The following WWOX variants were observed in gnomAD, a reference collection of about 807,000 sequenced individuals.
The protein encoded by WWOX is WW domain-containing oxidoreductase.
WWOX carries 69 observed loss-of-function variants against 46.2 expected under a neutral mutation model. That is an observed-to-expected ratio of 1.49 (90% CI 1.23 to 1.82). WWOX has a LOEUF of 1.82. Ranked by LOEUF, WWOX falls within the 40% of genes most tolerant of loss-of-function variation. The pLI, the probability that WWOX is intolerant of heterozygous loss-of-function variation, is 0.00. For synonymous variants in WWOX, 359 were observed against 202.6 expected, an observed-to-expected ratio of 1.77 and a Z score of -6.56; for missense variants, 919 against 542.6, an observed-to-expected ratio of 1.69 and a Z score of -6.89.
At chr16:79,048,117 C>T (rs565889818) in intron 8 of WWOX, among the ~76,000 whole-genome samples, 1 of 152,274 alleles carries the variant, frequency 6.6e-6, no homozygotes, top group Non-Finnish European at 1.5e-5. Context: ...AGATCACAGA[C>T]ACGGAAAATC....
At chr16:78,703,221 C>CTG in intron 8 of WWOX, among the ~76,000 whole-genome samples, 1 of 151,952 alleles carries the variant, frequency 6.6e-6, no homozygotes. Flanking sequence ...TCTCTTTTCT[C>CTG]TGTGTGTCAT....
chr16:78,185,859 T>G (rs1281006843), intron 5 of WWOX, among the ~76,000 whole-genome samples: 1 of 146,572 alleles, frequency 6.8e-6, no homozygotes, highest in Non-Finnish European at 1.5e-5. Context: ...TAGAGATGGG[T>G]TTCACCATGT....
At chr16:79,135,111 T>A (rs917509810) in intron 8 of WWOX, among the ~76,000 whole-genome samples, 1 of 152,084 alleles carries the variant, frequency 6.6e-6, no homozygotes, top group Non-Finnish European at 1.5e-5. Flanking sequence ...TTTCTAACAA[T>A]TTTTTTCTTC....
At chr16:78,547,806 C>G (rs1404909653) in intron 8 of WWOX, among the ~76,000 whole-genome samples, 1 of 152,052 alleles carries the variant, frequency 6.6e-6, no homozygotes, top group Non-Finnish European at 1.5e-5. Context: ...GCCTCAATGA[C>G]CTAATCACCT....
At chr16:78,746,571 C>G (rs913433397) in intron 8 of WWOX, among the ~76,000 whole-genome samples, 9 of 151,648 alleles carry the variant, frequency 5.9e-5, no homozygotes, top group African/African-American at 2.2e-4. Context: ...TTTCTTGCTC[C>G]TGGATTTTTG....
rs570465879 is a variant in WWOX, at chr16:78,737,770, C to T, written c.1056+305018C>T. ...CATTTTTTTCTTCCTCACCTGATTT[C>T]CCCCATCTGGCAGAAACTTTTACAG... On this transcript the variant is annotated intron_variant, in intron 8 of 8. Transcript: ENST00000566780. Among the ~76,000 whole-genome samples, 7 of 152,192 alleles carry T rather than the reference C, an allele frequency of 4.6e-5. No individual in the cohort carries two copies. The South Asian group carries it at 1.0e-3, about 23-fold the overall frequency.
chr16:78,398,674 G>T (rs1020712834), intron 6 of WWOX, among the ~76,000 whole-genome samples: 4 of 152,068 alleles, frequency 2.6e-5, no homozygotes, highest in South Asian at 2.1e-4. Context: ...AATACATCTT[G>T]GTCTTAGCTT....
rs1463082590 is a variant in WWOX, at chr16:79,170,675, T to TG, written c.1057-40933_1057-40932insG. On this transcript the variant is annotated intron_variant, in intron 8 of 8. Coordinates refer to ENST00000566780, the MANE Select transcript of WWOX (RefSeq NM_016373.4). ...CACAGTCAAGAGTTACTTCTATTTT[T>TG]TTTTACAGTAAATGCGCTCTTTAAG... 2.6e-5 allele frequency among the ~76,000 whole-genome samples: 4 copies of TG among 152,174 alleles called. No individual in the cohort carries two copies. The East Asian group carries it at 7.7e-4, about 29-fold the overall frequency.
intron 4 of WWOX, among the ~76,000 whole-genome samples, chr16:78,154,409 T>G: frequency 6.6e-6 from 1 of 151,796 alleles, no homozygotes; most frequent in East Asian, 1.9e-4. Context: ...CCCACAGTTT[T>G]CGCTTGCTTC....
At chr16:79,156,386 C>T (rs1291140520) in intron 8 of WWOX, among the ~76,000 whole-genome samples, 3 of 152,212 alleles carry the variant, frequency 2.0e-5, no homozygotes, top group Non-Finnish European at 4.4e-5. Flanking sequence ...TTCTCGAACT[C>T]CTGACCTCAA....
chr16:78,816,332 G>A (rs1309409780), intron 8 of WWOX, among the ~76,000 whole-genome samples: 1 of 151,852 alleles, frequency 6.6e-6, no homozygotes, highest in East Asian at 1.9e-4. Flanking sequence ...CTGATATATC[G>A]AGGACTCCAG....
chr16:78,278,678 G>T (rs765871668), intron 5 of WWOX: 3 of 1,596,690 alleles, frequency 1.9e-6, no homozygotes, highest in East Asian at 4.5e-5. Context: ...AAAAATAAAA[G>T]ATCTTGAATA....
At chr16:78,413,385 G>A (rs2082726002) in intron 6 of WWOX, among the ~76,000 whole-genome samples, 1 of 152,196 alleles carries the variant, frequency 6.6e-6, no homozygotes, top group African/African-American at 2.4e-5. Flanking sequence ...AGCAAAGGGT[G>A]ATGGGATTGT....
At chr16:78,981,551 C>T (rs1371981525) in intron 8 of WWOX, among the ~76,000 whole-genome samples, 1 of 152,012 alleles carries the variant, frequency 6.6e-6, no homozygotes, top group Non-Finnish European at 1.5e-5. Flanking sequence ...GATTCTCCTG[C>T]CTCAGCCTCC....
intron 8 of WWOX, among the ~76,000 whole-genome samples, chr16:79,074,149 C>T (rs559643579): frequency 2.6e-5 from 4 of 151,914 alleles, no homozygotes; most frequent in Non-Finnish European, 4.4e-5. Context: ...AGTTAGAGTT[C>T]GAGCAGGCAA....
intron 8 of WWOX, among the ~76,000 whole-genome samples, chr16:78,628,716 C>G (rs1408579908): frequency 1.3e-5 from 2 of 152,096 alleles, no homozygotes; most frequent in Admixed American, 1.3e-4. Flanking sequence ...TGGAATTTCA[C>G]TGTTTTAAAT....
intron 4 of WWOX, among the ~76,000 whole-genome samples, chr16:78,147,871 G>C (rs555052224): frequency 1.0e-3 from 152 of 151,546 alleles, no homozygotes; most frequent in Non-Finnish European, 1.9e-3. Context: ...AATTGACAGG[G>C]GTGGAAACTA....
At chr16:78,953,855 T>C (rs1337106471) in intron 8 of WWOX, among the ~76,000 whole-genome samples, 2 of 152,188 alleles carry the variant, frequency 1.3e-5, no homozygotes, top group Admixed American at 6.5e-5. Flanking sequence ...CTGTAGCATT[T>C]TTGGGCTTTG....
intron 5 of WWOX, among the ~76,000 whole-genome samples, chr16:78,218,391 C>G (rs1229864090): frequency 6.6e-6 from 1 of 152,022 alleles, no homozygotes; most frequent in African/African-American, 2.4e-5. Flanking sequence ...CTGGCCTTTG[C>G]TTGCCTTTCT....
Sources: allele counts gnomAD v4.1 joint callset (sites outside exome capture counted in the v4.1 genomes callset), GRCh38; gene constraint gnomAD v4.1.1; transcripts MANE v1.5; gene names NCBI Gene and HGNC (gene_info 2026-07-23, HGNC 2026-07-21).